Variants in ANTXR2 observed in about 807,000 individuals in gnomAD.
ANTXR2 encodes anthrax toxin receptor 2.
Under a neutral mutation model 73.7 loss-of-function variants are expected in ANTXR2, and 44 were observed. The ratio of observed to expected loss-of-function variants is 0.60; its 90% CI spans 0.47 to 0.77. The LOEUF (loss-of-function observed/expected upper bound fraction) is 0.77. Among genes scored for constraint, ANTXR2 ranks in the 30% least tolerant of loss-of-function variants. The pLI, the probability that ANTXR2 is intolerant of heterozygous loss-of-function variation, is 0.00. For synonymous variants in ANTXR2, 217 were observed against 205.9 expected, an observed-to-expected ratio of 1.05 and a Z score of -0.46; for missense variants, 604 against 592.5, an observed-to-expected ratio of 1.02 and a Z score of -0.20.
chr4:80,046,494 A>C (rs1733519499), intron 7 of ANTXR2, among the ~76,000 whole-genome samples: 1 of 151,746 alleles, frequency 6.6e-6, no homozygotes, highest in South Asian at 2.1e-4. Context: ...TAAATAGACT[A>C]TTTCAGAATT....
Position 80,072,855 on chromosome 4 carries a change from A to C in ANTXR2, c.-295T>G. ...CCGATTCCGGAGAGTTCCTGCAGAC[A>C]ATGCGGGCCCACGGCGACAGCTCGC... On this transcript the variant is annotated 5_prime_UTR_variant, in exon 1 of 17. In the 5' UTR this introduces an upstream ATG that the reference lacks. Transcript: ENST00000403729. 1 of 515,758 alleles carries C rather than the reference A, an allele frequency of 1.9e-6. No individual in the cohort carries two copies. The allele number at this position is 515,758 out of a possible 1,614,324, so 31.9% of individuals were successfully genotyped here.
chr4:79,901,498 T>A lies in ANTXR2; in HGVS notation c.*5931A>T, dbSNP rs1029931395. 6.9e-6 allele frequency: 1 copy of A among 144,550 alleles called. No individual in the cohort carries two copies. The highest frequency in any genetic ancestry group is 1.5e-5 in the Non-Finnish European group (1 of 67,290). The allele number at this position is 144,550 out of a possible 1,614,324, so 9.0% of individuals were successfully genotyped here. ...GACAATGCATATCTTTTTCATAGTC[T>A]ACACCCTAGAACAACCATACCCAAT... is the stretch of plus-strand genomic sequence containing the variant. On this transcript the variant is annotated 3_prime_UTR_variant, in exon 17 of 17. Coordinates refer to ENST00000403729, the MANE Select transcript of ANTXR2 (RefSeq NM_058172.6).
At chr4:79,978,583 A>T (rs1040920746) in intron 14 of ANTXR2, among the ~76,000 whole-genome samples, 4 of 152,200 alleles carry the variant, frequency 2.6e-5, no homozygotes, top group Non-Finnish European at 4.4e-5. Flanking sequence ...GAAAATGACG[A>T]TAGTTAGCAT....
At chr4:79,907,889 G>A (rs1194671876) in intron 16 of ANTXR2, among the ~76,000 whole-genome samples, 1 of 152,112 alleles carries the variant, frequency 6.6e-6, no homozygotes, top group African/African-American at 2.4e-5. Flanking sequence ...AGAGACTGAG[G>A]ATGAGGAATC....
chr4:79,921,425 G>T (rs1181125632), intron 16 of ANTXR2, among the ~76,000 whole-genome samples: 32 of 151,920 alleles, frequency 2.1e-4, no homozygotes, highest in Admixed American at 2.1e-3. Flanking sequence ...ATAACTAAAA[G>T]CCTCCACTGG....
intron 16 of ANTXR2, among the ~76,000 whole-genome samples, chr4:79,962,289 T>TAC (rs1729175396): frequency 6.6e-6 from 1 of 152,110 alleles, no homozygotes; most frequent in Non-Finnish European, 1.5e-5. Flanking sequence ...CATATATATA[T>TAC]ACACACTCTC....
chr4:79,987,426 A>C (rs1228777991), intron 12 of ANTXR2, among the ~76,000 whole-genome samples: 2 of 152,180 alleles, frequency 1.3e-5, no homozygotes, highest in Admixed American at 6.5e-5. Flanking sequence ...CAGGCAAAAA[A>C]AAATTAAGAA....
chr4:80,014,901 A>C (rs1731768457), intron 11 of ANTXR2, among the ~76,000 whole-genome samples: 1 of 152,120 alleles, frequency 6.6e-6, no homozygotes, highest in African/African-American at 2.4e-5. Context: ...AATTCCCACC[A>C]CCCTAGCTTT....
intron 7 of ANTXR2, among the ~76,000 whole-genome samples, chr4:80,050,696 T>C (rs534931265): frequency 6.6e-6 from 1 of 151,772 alleles, no homozygotes; most frequent in South Asian, 2.1e-4. Context: ...CACCCAGGTT[T>C]TCCTATTCCC....
intron 7 of ANTXR2, among the ~76,000 whole-genome samples, chr4:80,046,585 T>C (rs1052712117): frequency 6.6e-6 from 1 of 151,854 alleles, no homozygotes; most frequent in Admixed American, 6.6e-5. Context: ...ACTTTCTTGT[T>C]TTACTAAGAC....
chr4:79,956,691 G>A (rs376137346), intron 16 of ANTXR2, among the ~76,000 whole-genome samples: 110 of 152,102 alleles, frequency 7.2e-4, no homozygotes, highest in African/African-American at 2.6e-3. Flanking sequence ...CCCCTCTCCT[G>A]AAATTATGAG....
At chr4:79,919,863 T>TAATATATATATATA (rs1491209102) in intron 16 of ANTXR2, among the ~76,000 whole-genome samples, 1 of 4,640 alleles carries the variant, frequency 2.2e-4, no homozygotes, top group Non-Finnish European at 4.1e-4. Context: ...CTAATACATA[T>TAATATATATATATA]TTTATATATA....
At chr4:80,032,620 G>A (rs1732749909) in intron 9 of ANTXR2, among the ~76,000 whole-genome samples, 1 of 151,826 alleles carries the variant, frequency 6.6e-6, no homozygotes, top group African/African-American at 2.4e-5. Flanking sequence ...TTTATACTCA[G>A]ATAAACAGCA....
intron 3 of ANTXR2, among the ~76,000 whole-genome samples, chr4:80,063,222 G>A (rs540061192): frequency 6.6e-6 from 1 of 152,240 alleles, no homozygotes; most frequent in East Asian, 1.9e-4. Context: ...CAGGAATTGG[G>A]CAGCAAGAGG....
intron 7 of ANTXR2, among the ~76,000 whole-genome samples, chr4:80,048,898 C>A (rs547431034): frequency 6.6e-6 from 1 of 151,572 alleles, no homozygotes; most frequent in Admixed American, 6.6e-5. Flanking sequence ...TTCACTTTTC[C>A]CTTTAGAAAC....
intron 7 of ANTXR2, among the ~76,000 whole-genome samples, chr4:80,051,605 A>C (rs1372207870): frequency 6.6e-6 from 1 of 151,746 alleles, no homozygotes; most frequent in Non-Finnish European, 1.5e-5. Flanking sequence ...ATAGAAATCT[A>C]AAAATACTAA....
At chr4:80,063,428 T>A (rs1345240931) in intron 3 of ANTXR2, among the ~76,000 whole-genome samples, 2 of 98,968 alleles carry the variant, frequency 2.0e-5, no homozygotes, top group Non-Finnish European at 4.3e-5. Flanking sequence ...AACATTAATT[T>A]CAGCATTTTT....
intron 12 of ANTXR2, among the ~76,000 whole-genome samples, chr4:79,985,838 C>CTTTTTTTTT (rs572381265): frequency 9.0e-6 from 1 of 111,688 alleles, no homozygotes; most frequent in Non-Finnish European, 1.8e-5. Flanking sequence ...ACAGTTAATT[C>CTTTTTTTTT]TTTTTTTTTT....
At chr4:80,038,190 C>T (rs561300971) in intron 7 of ANTXR2, among the ~76,000 whole-genome samples, 1 of 152,024 alleles carries the variant, frequency 6.6e-6, no homozygotes, top group Non-Finnish European at 1.5e-5. Context: ...AAAAAACATG[C>T]ATCCGGAATG....
Sources: allele counts gnomAD v4.1 joint callset (sites outside exome capture counted in the v4.1 genomes callset), GRCh38; gene constraint gnomAD v4.1.1; transcripts MANE v1.5; gene names NCBI Gene and HGNC (gene_info 2026-07-23, HGNC 2026-07-21).